SH3BP4: variants seen among roughly 807,000 people sequenced by gnomAD.
SH3BP4 encodes SH3 domain-binding protein 4.
Under a neutral mutation model 65.5 loss-of-function variants are expected in SH3BP4, and 33 were observed. The observed-to-expected ratio is 0.50, with a 90% CI of 0.38 to 0.67. The LOEUF (loss-of-function observed/expected upper bound fraction) is 0.67. SH3BP4 is among the 30% of genes least tolerant of loss of function. SH3BP4 has a pLI of 0.00. For missense variants in SH3BP4, 1,134 were observed against 1,261.4 expected (o/e 0.90, Z 1.53); for synonymous variants, 552 against 545.5 (o/e 1.01, Z -0.17).
chr2:235,024,423 A>G (rs1237934518), intron 2 of SH3BP4, among the ~76,000 whole-genome samples: 1 of 152,160 alleles, frequency 6.6e-6, no homozygotes, highest in Non-Finnish European at 1.5e-5. Flanking sequence ...CGACTGTGGC[A>G]TCCTCATGGC....
rs767018006 is a variant in SH3BP4, at chr2:235,042,815, G to A, written c.2046G>A (p.Gly682=). ...HYLLEYKKGD[G]IALLSEERVR... Reference sequence around the variant, plus strand: ...TGCTGGAGTACAAGAAGGGCGACGGGATCGCCCTGCTCAGCGAGGAGCGGG... The same window carrying A: ...TGCTGGAGTACAAGAAGGGCGACGGAATCGCCCTGCTCAGCGAGGAGCGGG... Residue 682 remains glycine, a synonymous_variant, in exon 4 of 6, where the codon GGG becomes GGA. Coordinates refer to ENST00000392011, the MANE Select transcript of SH3BP4 (RefSeq NM_014521.3). The surrounding 1 kb of genome is among the most constrained non-coding windows in gnomAD (Gnocchi z 7.3). The A allele has an allele frequency of 4.3e-6, 7 of 1,614,030 alleles. No individual in the cohort carries two copies. The highest frequency in any genetic ancestry group is 5.9e-6 in the Non-Finnish European group (7 of 1,180,018).
rs530937379 is a variant in SH3BP4 at position 235,033,706 on chromosome 2, G to C, written c.-132-1165G>C. Reference sequence around the variant, plus strand: ...GGACACACGCCTTGCTCTGCTCACTGCACAGGGGCTCTCCAAGCCATGCTC... The same window carrying C: ...GGACACACGCCTTGCTCTGCTCACTCCACAGGGGCTCTCCAAGCCATGCTC... On this transcript the variant is annotated intron_variant, in intron 2 of 5. Transcript: ENST00000392011. The surrounding 1 kb of genome is among the most constrained non-coding windows in gnomAD (Gnocchi z 5.7). Among the ~76,000 whole-genome samples the C allele has an allele frequency of 4.6e-5, 7 of 152,314 alleles. No homozygotes were observed. The South Asian group carries it at 1.5e-3, about 32-fold the overall frequency.
chr2:234,978,434 CTT>C lies in SH3BP4; in HGVS notation c.-206-16866_-206-16865del, dbSNP rs1559229812. ...TGCAGTCACTGCGGGACCAGGTACT[CTT>C]TTCCTGCGCCCCACACTGCCCCAAG... On this transcript the variant is annotated intron_variant, in intron 1 of 5. Coordinates refer to ENST00000392011, the MANE Select transcript of SH3BP4 (RefSeq NM_014521.3). This position sits in a 1 kb window ranked among gnomAD's most constrained non-coding sequence, Gnocchi z 4.1. Among the ~76,000 whole-genome samples, 2 of 152,200 alleles carry C rather than the reference CTT, an allele frequency of 1.3e-5. No homozygotes were observed. Among genetic ancestry groups the C allele is most frequent in the African/African-American group, 4.8e-5 (2 of 41,450 alleles).
rs3754865 is a variant in SH3BP4 at position 235,034,831 on chromosome 2, G to A, written c.-132-40G>A. 1.6e-3 allele frequency: 971 copies of A among 593,798 alleles called. 6 individuals carry two copies. Among genetic ancestry groups the A allele is most frequent in the East Asian group, 0.014 (490 of 35,354 alleles). 36.8% of individuals were successfully genotyped at this position (593,798 alleles called of 1,614,324 possible). A position where few individuals can be genotyped will look rare whatever the true frequency, so the allele number is the denominator to read the frequency against. On this transcript the variant is annotated intron_variant, in intron 2 of 5. Transcript: ENST00000392011. The surrounding 1 kb of genome is among the most constrained non-coding windows in gnomAD (Gnocchi z 6.2). ...AAAATTACCATTGAACCCATGTTTC[G>A]CTTGCTTAAGGGACTTTTTTGTTCC...
intron 4 of SH3BP4, among the ~76,000 whole-genome samples, chr2:235,048,057 G>A (rs574526362): frequency 6.6e-6 from 1 of 152,280 alleles, no homozygotes; most frequent in South Asian, 2.1e-4. Flanking sequence ...ACTCTCTGTG[G>A]ATTGGGAGAA....
intron 2 of SH3BP4, among the ~76,000 whole-genome samples, chr2:235,003,707 C>G (rs773070598): frequency 2.6e-5 from 4 of 152,150 alleles, no homozygotes; most frequent in Admixed American, 6.5e-5. Context: ...CCCAGTCACG[C>G]TCCTATGCAG....
At chr2:235,050,833 G>T (rs559577494) in intron 4 of SH3BP4, among the ~76,000 whole-genome samples, 193 of 152,218 alleles carry the variant, frequency 1.3e-3, no homozygotes, top group African/African-American at 4.5e-3. Context: ...CAGCGGTGTG[G>T]TTGGCGGGGG....
At chr2:235,011,457 G>C (rs941256544) in intron 2 of SH3BP4, among the ~76,000 whole-genome samples, 2 of 152,202 alleles carry the variant, frequency 1.3e-5, no homozygotes, top group African/African-American at 4.8e-5. Flanking sequence ...TGCAAAGACT[G>C]TATTTCCAAA....
rs748208806 is a variant in SH3BP4, at chr2:235,042,597, C to T, written c.1828C>T (p.Gln610Ter). The T allele has an allele frequency of 6.2e-7, 1 of 1,614,098 alleles. No individual in the cohort carries two copies. The highest frequency in any genetic ancestry group is 8.5e-7 in the Non-Finnish European group (1 of 1,180,040). The change falls in exon 4 of 6, where the codon CAG (glutamine) becomes TAG (stop). Residue 610 changes from glutamine (Q) to a stop codon, truncating the protein, a stop_gained. Transcript: ENST00000392011. LOFTEE classifies it high-confidence loss of function. This position sits in a 1 kb window ranked among gnomAD's most constrained non-coding sequence, Gnocchi z 7.3. ...CACCCAGTTTTGTGTCCAGACTCCT[C>T]AGCCACCCCCTAAAAGTGCCATCAA... ...ILTQFCVQTP[Q>*]PPPKSAIKPS...
intron 1 of SH3BP4, chr2:234,979,782 A>G (rs77722741): frequency 0.21 from 32,263 of 152,178 alleles, 3,905 homozygotes; most frequent in Non-Finnish European, 0.27. Context: ...CCATGGCCAC[A>G]AGTAACTGGA....
At chr2:235,025,765 A>G (rs1251374171) in intron 2 of SH3BP4, among the ~76,000 whole-genome samples, 2 of 152,242 alleles carry the variant, frequency 1.3e-5, no homozygotes, top group Non-Finnish European at 2.9e-5. Context: ...CAGGAGAGCT[A>G]GGAAAAGAGG....
Position 235,042,630 on chromosome 2 carries a change from G to A in SH3BP4, c.1861G>A (p.Gly621Arg), listed in dbSNP as rs1215633310. The A allele has an allele frequency of 3.7e-6, 6 of 1,613,972 alleles. No homozygotes were observed. The highest frequency in any genetic ancestry group is 5.1e-6 in the Non-Finnish European group (6 of 1,180,040). ...PPPKSAIKPS[G>R]QRRFLKKNEV... is the part of the protein sequence containing the mutation. ...CCCTAAAAGTGCCATCAAGCCTTCC[G>A]GGCAAAGGAGGTTTCTCAAGAAGAA... is the stretch of plus-strand genomic sequence containing the variant. Residue 621 changes from glycine to arginine, a missense_variant, in exon 4 of 6, where the codon GGG (glycine) becomes AGG (arginine). Coordinates refer to ENST00000392011, the MANE Select transcript of SH3BP4 (RefSeq NM_014521.3). This position sits in a 1 kb window ranked among gnomAD's most constrained non-coding sequence, Gnocchi z 7.3.
At chr2:235,006,998 T>C (rs1248365541) in intron 2 of SH3BP4, among the ~76,000 whole-genome samples, 1 of 152,134 alleles carries the variant, frequency 6.6e-6, no homozygotes, top group African/African-American at 2.4e-5. Context: ...TTCAGAGACT[T>C]AAACGAGCTG....
At chr2:234,998,126 AAAAAAAT>A (rs373806712) in intron 2 of SH3BP4, among the ~76,000 whole-genome samples, 7 of 152,172 alleles carry the variant, frequency 4.6e-5, no homozygotes, top group African/African-American at 1.7e-4. Context: ...CCATCTCCAA[AAAAAAAT>A]AAAAAATAAA....
chr2:235,003,823 C>CCCA (rs1694207891), intron 2 of SH3BP4, among the ~76,000 whole-genome samples: 1 of 152,194 alleles, frequency 6.6e-6, no homozygotes, highest in South Asian at 2.1e-4. Flanking sequence ...CAGGGATGGC[C>CCCA]CCACCCCTGT....
chr2:235,029,872 AC>A (rs1308391375), intron 2 of SH3BP4, among the ~76,000 whole-genome samples: 4 of 152,300 alleles, frequency 2.6e-5, no homozygotes, highest in African/African-American at 9.6e-5. Context: ...CTAGGACCTC[AC>A]AGGGCTGGGA....
intron 2 of SH3BP4, among the ~76,000 whole-genome samples, chr2:235,025,783 C>T (rs533561026): frequency 6.6e-6 from 1 of 152,308 alleles, no homozygotes; most frequent in African/African-American, 2.4e-5. Flanking sequence ...AGGTGGACTT[C>T]CATTTGCAAA....
intron 4 of SH3BP4, among the ~76,000 whole-genome samples, chr2:235,048,317 T>C (rs1345687334): frequency 6.6e-6 from 1 of 152,156 alleles, no homozygotes; most frequent in Non-Finnish European, 1.5e-5. Flanking sequence ...TTCTTTGTAC[T>C]TTATAAGAGT....
intron 1 of SH3BP4, among the ~76,000 whole-genome samples, chr2:234,954,026 A>C (rs576493044): frequency 1.3e-5 from 2 of 152,162 alleles, no homozygotes; most frequent in South Asian, 2.1e-4. Context: ...GGCCGTGCTT[A>C]TCCAAAAGAA....
Sources: allele counts gnomAD v4.1 joint callset (sites outside exome capture counted in the v4.1 genomes callset), GRCh38; gene constraint gnomAD v4.1.1; non-coding constraint Gnocchi (gnomAD v3.1); transcripts MANE v1.5; gene names NCBI Gene and HGNC (gene_info 2026-07-23, HGNC 2026-07-21).